Variants in CCDC192 observed in about 807,000 individuals in gnomAD.
CCDC192 encodes the protein coiled-coil domain containing 192, also known as coiled-coil domain-containing protein 192.
At position 127,922,387 on chromosome 5, in the gene CCDC192, C is replaced by T. The variant is rs187977978; in HGVS notation, c.536-18795C>T. On this transcript the variant is annotated intron_variant, in intron 6 of 6. Transcript: ENST00000514853. ...ATGTATTATTTCATTCACTCGTCTT[C>T]CTGATTTCCTTTCATTTCTGTTATA... 5.1e-3 allele frequency among the ~76,000 whole-genome samples: 779 copies of T among 152,286 alleles called. 4 individuals carry two copies. Among genetic ancestry groups the T allele is most frequent in the Non-Finnish European group, 6.6e-3 (446 of 68,024 alleles).
intron 2 of CCDC192, among the ~76,000 whole-genome samples, chr5:127,708,561 A>G (rs954711110): frequency 1.5e-4 from 23 of 152,186 alleles, no homozygotes; most frequent in Admixed American, 1.1e-3. Flanking sequence ...GCAGTATAGT[A>G]TGGAGAAAAA....
At chr5:127,823,080 G>A (rs1749370335) in intron 5 of CCDC192, among the ~76,000 whole-genome samples, 1 of 152,178 alleles carries the variant, frequency 6.6e-6, no homozygotes, top group Admixed American at 6.5e-5. Context: ...CATCGCAAGA[G>A]GTCAGCCCAG....
intron 2 of CCDC192, among the ~76,000 whole-genome samples, chr5:127,741,427 T>C (rs532417489): frequency 1.4e-4 from 22 of 152,296 alleles, no homozygotes; most frequent in Middle Eastern, 3.4e-3. Context: ...AAACAAGGAT[T>C]GCTTAATGTG....
chr5:127,704,818 G>A lies in CCDC192; in HGVS notation c.62+1311G>A, dbSNP rs184654961. On this transcript the variant is annotated intron_variant, in intron 1 of 6. Coordinates refer to ENST00000514853, the MANE Select transcript of CCDC192 (RefSeq NM_001317938.2). ...CGCGACACTGCACTCCAGCCTGGGC[G>A]ACAGAGCGAAACTCCATCTAAAATA... Among the ~76,000 whole-genome samples the A allele has an allele frequency of 1.4e-4, 21 of 151,368 alleles. No individual in the cohort carries two copies. In the East Asian group the frequency reaches 3.9e-3, roughly 28 times the overall value.
At chr5:127,923,191 A>G (rs1183963990) in intron 6 of CCDC192, among the ~76,000 whole-genome samples, 1 of 152,210 alleles carries the variant, frequency 6.6e-6, no homozygotes, top group Non-Finnish European at 1.5e-5. Context: ...ACAGTAGTAA[A>G]TGATACACTA....
intron 3 of CCDC192, among the ~76,000 whole-genome samples, chr5:127,788,689 T>C (rs1460810175): frequency 1.3e-5 from 2 of 152,222 alleles, no homozygotes; most frequent in Non-Finnish European, 2.9e-5. Flanking sequence ...GCTCCTAGAA[T>C]GTATATGTTA....
chr5:127,915,795 A>T (rs182928039), intron 6 of CCDC192, among the ~76,000 whole-genome samples: 1 of 152,108 alleles, frequency 6.6e-6, no homozygotes, highest in Admixed American at 6.5e-5. Flanking sequence ...TCTTCTTCCA[A>T]TGTGGCCTAA....
chr5:127,782,147 A>G (rs979488543), intron 3 of CCDC192, among the ~76,000 whole-genome samples: 1 of 152,064 alleles, frequency 6.6e-6, no homozygotes, highest in Non-Finnish European at 1.5e-5. Flanking sequence ...CATATGTTAA[A>G]TCATCCCTGG....
intron 3 of CCDC192, among the ~76,000 whole-genome samples, chr5:127,758,258 C>T (rs1305294625): frequency 6.6e-6 from 1 of 152,098 alleles, no homozygotes; most frequent in Non-Finnish European, 1.5e-5. Flanking sequence ...TTTCTAAGGT[C>T]TCCTTCAGCA....
At chr5:127,929,456 A>G (rs1263030809) in intron 6 of CCDC192, among the ~76,000 whole-genome samples, 1 of 152,140 alleles carries the variant, frequency 6.6e-6, no homozygotes. Context: ...GTGTGTAGAG[A>G]TGTATAGTTG....
intron 5 of CCDC192, among the ~76,000 whole-genome samples, chr5:127,853,671 G>A (rs1750910228): frequency 6.6e-6 from 1 of 152,178 alleles, no homozygotes; most frequent in South Asian, 2.1e-4. Flanking sequence ...TACTCTGGAG[G>A]TTGAGGCAGA....
chr5:127,713,688 A>C (rs547151121), intron 2 of CCDC192, among the ~76,000 whole-genome samples: 34 of 152,140 alleles, frequency 2.2e-4, no homozygotes, highest in Middle Eastern at 3.4e-3. Context: ...ACTTTTAGGG[A>C]TTTTTTCCTG....
chr5:127,829,304 G>C (rs1749679862), intron 5 of CCDC192, among the ~76,000 whole-genome samples: 1 of 152,174 alleles, frequency 6.6e-6, no homozygotes, highest in Non-Finnish European at 1.5e-5. Flanking sequence ...ATTGGAAACT[G>C]TTTTAAATAC....
chr5:127,808,699 C>G (rs957981697), intron 5 of CCDC192, among the ~76,000 whole-genome samples: 4 of 152,160 alleles, frequency 2.6e-5, no homozygotes, highest in Non-Finnish European at 5.9e-5. Context: ...AAGGGCAAGC[C>G]TTTCTTGACT....
intron 3 of CCDC192, among the ~76,000 whole-genome samples, chr5:127,766,068 A>T (rs1220618849): frequency 2.0e-5 from 3 of 152,190 alleles, no homozygotes; most frequent in Non-Finnish European, 2.9e-5. Flanking sequence ...CCCTACGTTG[A>T]CACTGCATTT....
At chr5:127,720,363 G>A (rs558960833) in intron 2 of CCDC192, among the ~76,000 whole-genome samples, 44 of 152,360 alleles carry the variant, frequency 2.9e-4, no homozygotes, top group Admixed American at 1.6e-3. Flanking sequence ...TTGCCTCCAT[G>A]TTTCACATCC....
rs1561508407 is a variant in CCDC192, at chr5:127,823,059, TATCAGCTCTGCATCGCAAGAGGTCA to T, written c.411+24898_411+24922del. ...ACTCTCTGATGAAGATAACCCTGCC[TATCAGCTCTGCATCGCAAGAGGTCA>T]GCCCAGGCAAACCTGCTACTCCCCA... On this transcript the variant is annotated intron_variant, in intron 5 of 6. Transcript: ENST00000514853. Among the ~76,000 whole-genome samples the T allele has an allele frequency of 3.3e-5, 5 of 152,206 alleles. No individual in the cohort carries two copies. The South Asian group carries it at 1.0e-3, about 31-fold the overall frequency.
intron 5 of CCDC192, among the ~76,000 whole-genome samples, chr5:127,800,100 C>G (rs907535899): frequency 6.6e-6 from 1 of 151,808 alleles, no homozygotes; most frequent in Non-Finnish European, 1.5e-5. Flanking sequence ...AACTTGCTGT[C>G]TCTCCAAATT....
intron 5 of CCDC192, among the ~76,000 whole-genome samples, chr5:127,852,809 C>A (rs1404839281): frequency 6.6e-6 from 1 of 152,066 alleles, no homozygotes; most frequent in African/African-American, 2.4e-5. Context: ...ATGCTGCTAT[C>A]CCTGGCCGGG....
Sources: allele counts gnomAD v4.1 joint callset (sites outside exome capture counted in the v4.1 genomes callset), GRCh38; gene constraint gnomAD v4.1.1; transcripts MANE v1.5; gene names NCBI Gene and HGNC (gene_info 2026-07-23, HGNC 2026-07-21).